The following STXBP5 variants were observed in gnomAD, a reference collection of about 807,000 sequenced individuals.
The protein encoded by STXBP5 is syntaxin-binding protein 5.
A neutral mutation model predicts 152.4 loss-of-function variants in STXBP5; 50 were observed. The observed-to-expected ratio is 0.33, with a 90% CI of 0.26 to 0.42. The LOEUF (loss-of-function observed/expected upper bound fraction) is 0.42, where lower values mean the gene tolerates loss of function less well. Ranked by LOEUF, STXBP5 falls within the 10% of genes least tolerant of loss-of-function variation. The probability of loss-of-function intolerance (pLI) is 1.00; values close to 1 mark genes in which losing one functional copy is unlikely to be tolerated. For synonymous variants in STXBP5, 492 were observed against 494.7 expected (o/e 0.99, Z 0.07); for missense variants, 1,167 against 1,388.6 (o/e 0.84, Z 2.54).
At chr6:147,267,844 A>G (rs1779969661) in intron 7 of STXBP5, among the ~76,000 whole-genome samples, 1 of 152,014 alleles carries the variant, frequency 6.6e-6, no homozygotes, top group Non-Finnish European at 1.5e-5. Flanking sequence ...CAGATGTTGG[A>G]AGCCAGTGGT....
chr6:147,222,682 A>G (rs1370293718), intron 2 of STXBP5, among the ~76,000 whole-genome samples: 1 of 152,222 alleles, frequency 6.6e-6, no homozygotes, highest in Non-Finnish European at 1.5e-5. Flanking sequence ...CTTGTTGTTA[A>G]GAACAGAATA....
intron 2 of STXBP5, among the ~76,000 whole-genome samples, chr6:147,228,546 T>C (rs1282726977): frequency 6.6e-6 from 1 of 152,126 alleles, no homozygotes; most frequent in Non-Finnish European, 1.5e-5. Flanking sequence ...ATCTATTTTC[T>C]TCTATTATTT....
At chr6:147,331,219 G>A (rs1279651437) in intron 18 of STXBP5, among the ~76,000 whole-genome samples, 4 of 152,190 alleles carry the variant, frequency 2.6e-5, no homozygotes, top group African/African-American at 9.7e-5. Flanking sequence ...AAGGGTCACT[G>A]TTTAAGGGGG....
intron 2 of STXBP5, among the ~76,000 whole-genome samples, chr6:147,219,305 T>C (rs947272124): frequency 6.6e-6 from 1 of 152,222 alleles, no homozygotes; most frequent in African/African-American, 2.4e-5. Context: ...TTTTATACAC[T>C]GTTGAATTCA....
intron 8 of STXBP5, among the ~76,000 whole-genome samples, chr6:147,282,058 A>G (rs35305027): frequency 4.6e-5 from 7 of 152,246 alleles, no homozygotes; most frequent in African/African-American, 1.4e-4. Context: ...CTGTGGTTCA[A>G]ATAATCAAAA....
intron 2 of STXBP5, 52 bp from the exon 3 acceptor site, chr6:147,235,198 G>T (rs994569715): frequency 4.0e-5 from 61 of 1,516,386 alleles, no homozygotes; most frequent in Middle Eastern, 1.7e-4. Context: ...TAACTTACCA[G>T]TTTCTCAAAA....
At chr6:147,313,847 TA>T in intron 11 of STXBP5, 36 bp from the exon 12 acceptor site, 1 of 1,367,926 alleles carries the variant, frequency 7.3e-7, no homozygotes, top group Non-Finnish European at 1.0e-6. Context: ...TATAATTCAT[TA>T]AATTAATAAA....
At chr6:147,253,256 C>T (rs1779189119) in intron 4 of STXBP5, among the ~76,000 whole-genome samples, 1 of 152,174 alleles carries the variant, frequency 6.6e-6, no homozygotes, top group African/African-American at 2.4e-5. Context: ...CAAAATTCAA[C>T]ACCCCTTCAT....
intron 16 of STXBP5, among the ~76,000 whole-genome samples, chr6:147,317,628 G>A (rs573594962): frequency 2.9e-4 from 44 of 152,238 alleles, no homozygotes; most frequent in African/African-American, 7.2e-4. Flanking sequence ...GATCCAAACA[G>A]TATATACCCA....
At chr6:147,341,126 C>CA (rs1169858558) in intron 21 of STXBP5, among the ~76,000 whole-genome samples, 1 of 152,000 alleles carries the variant, frequency 6.6e-6, no homozygotes, top group Non-Finnish European at 1.5e-5. Context: ...AAGTTAGTGT[C>CA]ACGTTTTTTT....
intron 21 of STXBP5, among the ~76,000 whole-genome samples, chr6:147,350,414 A>T (rs758119566): frequency 6.6e-6 from 1 of 152,148 alleles, no homozygotes; most frequent in East Asian, 1.9e-4. Flanking sequence ...TAGATGGTGA[A>T]TGAAAGCATA....
At chr6:147,361,857 C>T (rs1243909417) in intron 23 of STXBP5, among the ~76,000 whole-genome samples, 2 of 152,082 alleles carry the variant, frequency 1.3e-5, no homozygotes, top group Non-Finnish European at 2.9e-5. Context: ...GAAAGAAAAG[C>T]TAGCTTTATA....
chr6:147,342,299 AG>A (rs1271140812), intron 21 of STXBP5, among the ~76,000 whole-genome samples: 1 of 152,220 alleles, frequency 6.6e-6, no homozygotes, highest in Non-Finnish European at 1.5e-5. Context: ...AAGGATAGCT[AG>A]AGCAAACTCT....
At chr6:147,303,879 C>T (rs960235928) in intron 9 of STXBP5, among the ~76,000 whole-genome samples, 9 of 152,012 alleles carry the variant, frequency 5.9e-5, no homozygotes, top group Middle Eastern at 3.2e-3. Flanking sequence ...GCTTTTTGCC[C>T]CTGTCCTAGA....
chr6:147,224,897 A>G (rs1418341559), intron 2 of STXBP5, among the ~76,000 whole-genome samples: 2 of 152,186 alleles, frequency 1.3e-5, no homozygotes, highest in African/African-American at 4.8e-5. Flanking sequence ...TAACTTTGTT[A>G]TTGAAAAATA....
At chr6:147,252,782 AC>A (rs545984227) in intron 4 of STXBP5, among the ~76,000 whole-genome samples, 98 of 152,286 alleles carry the variant, frequency 6.4e-4, no homozygotes, top group African/African-American at 2.3e-3. Flanking sequence ...TGTCAGATTC[AC>A]CAATAACAAG....
chr6:147,268,490 T>C (rs1265907749), intron 7 of STXBP5, among the ~76,000 whole-genome samples: 2 of 152,206 alleles, frequency 1.3e-5, no homozygotes, highest in Non-Finnish European at 2.9e-5. Context: ...ACTTTGCACA[T>C]GTTTGTACAT....
intron 6 of STXBP5, among the ~76,000 whole-genome samples, chr6:147,265,999 C>T (rs1002328190): frequency 1.3e-5 from 2 of 151,484 alleles, no homozygotes; most frequent in South Asian, 2.1e-4. Context: ...CCAGAGGAAA[C>T]GATCACTAAA....
At chr6:147,332,265 T>A (rs1372070321) in intron 18 of STXBP5, among the ~76,000 whole-genome samples, 1 of 152,186 alleles carries the variant, frequency 6.6e-6, no homozygotes, top group East Asian at 1.9e-4. Context: ...CAAAATTCTC[T>A]ACCCTCATGG....
Sources: gnomAD v4.1 joint callset for allele counts (sites outside exome capture counted in the v4.1 genomes callset) on GRCh38, gnomAD v4.1.1 for gene constraint, MANE v1.5 for transcripts, NCBI Gene and HGNC (gene_info 2026-07-23, HGNC 2026-07-21) for gene names.